The following RAD54L2 variants were observed in gnomAD, a reference collection of about 807,000 sequenced individuals.
RAD54L2 encodes helicase ARIP4.
A neutral mutation model predicts 138.4 loss-of-function variants in RAD54L2; 27 were observed. The observed-to-expected ratio is 0.20, with a 90% CI of 0.14 to 0.27. RAD54L2 has a LOEUF of 0.27. Among genes scored for constraint, RAD54L2 ranks in the 10% least tolerant of loss-of-function variants. RAD54L2 has a pLI of 1.00. For synonymous variants in RAD54L2, 644 were observed against 723.2 expected (o/e 0.89, Z 1.76); for missense variants, 1,396 against 1,890.2 (o/e 0.74, Z 4.85).
chr3:51,641,659 T>G, intron 14 of RAD54L2, 90 bp from the exon 15 acceptor site: 1 of 827,756 alleles, frequency 1.2e-6, no homozygotes. Flanking sequence ...GAGCTCCCAT[T>G]GTCAGAAAGT....
chr3:51,577,132 C>T (rs539469096), intron 2 of RAD54L2, among the ~76,000 whole-genome samples: 1 of 151,874 alleles, frequency 6.6e-6, no homozygotes, highest in African/African-American at 2.4e-5. Context: ...CAGGTTGTTC[C>T]GTTTCCATGT....
At chr3:51,642,584 A>G (rs139673254) in intron 15 of RAD54L2, among the ~76,000 whole-genome samples, 37 of 152,272 alleles carry the variant, frequency 2.4e-4, no homozygotes, top group Non-Finnish European at 4.9e-4. Flanking sequence ...CCTGTATATT[A>G]TACGACATTT....
intron 2 of RAD54L2, among the ~76,000 whole-genome samples, chr3:51,572,275 C>T (rs887988917): frequency 2.0e-5 from 3 of 151,882 alleles, no homozygotes; most frequent in Admixed American, 6.6e-5. Context: ...ATGGTGAAAG[C>T]GCCCCCGTTT....
chr3:51,628,298 TA>T (rs879615276), intron 4 of RAD54L2, among the ~76,000 whole-genome samples: 144 of 147,038 alleles, frequency 9.8e-4, no homozygotes, highest in Middle Eastern at 3.4e-3. Context: ...TGCCTCCACT[TA>T]AAAAAAAAAA....
Position 51,639,681 on chromosome 3 carries a change from C to G in RAD54L2, c.2112+11C>G, listed in dbSNP as rs752618132. ...GTCACATATGAATGGGTGAGTCAAG[C>G]AGATCCTTCAGGAACCATAAACTAT... is the stretch of plus-strand genomic sequence containing the variant. On this transcript the variant is annotated intron_variant, in intron 13 of 22. Coordinates refer to ENST00000684192, the MANE Select transcript of RAD54L2 (RefSeq NM_015106.4). 1.2e-6 allele frequency: 2 copies of G among 1,612,486 alleles called. No homozygotes were observed. Among genetic ancestry groups the G allele is most frequent in the African/African-American group, 2.7e-5 (2 of 74,906 alleles).
chr3:51,639,264 C>T (rs1701065039), intron 12 of RAD54L2, 155 bp from the exon 13 acceptor site: 6 of 797,034 alleles, frequency 7.5e-6, no homozygotes, highest in Non-Finnish European at 7.9e-6. Flanking sequence ...AATATGCAGG[C>T]CCTTTGGCTG....
intron 2 of RAD54L2, among the ~76,000 whole-genome samples, chr3:51,578,681 T>C (rs1219923721): frequency 1.3e-5 from 2 of 152,134 alleles, no homozygotes; most frequent in Non-Finnish European, 2.9e-5. Flanking sequence ...CTGGGGCTAG[T>C]GCTTTTGGGC....
At chr3:51,545,697 A>G (rs1424800567) in intron 2 of RAD54L2, among the ~76,000 whole-genome samples, 1 of 151,764 alleles carries the variant, frequency 6.6e-6, no homozygotes, top group Non-Finnish European at 1.5e-5. Flanking sequence ...CTTTCACCTC[A>G]GCTTCTTGAG....
chr3:51,568,586 T>A (rs1213158885), intron 2 of RAD54L2, among the ~76,000 whole-genome samples: 1 of 152,098 alleles, frequency 6.6e-6, no homozygotes, highest in East Asian at 1.9e-4. Flanking sequence ...CTGTTATAGG[T>A]TGACACAGTG....
In RAD54L2 at chr3:51,663,406, G is replaced by T; in HGVS notation, c.4390G>T (p.Val1464Phe). The T allele has an allele frequency of 6.2e-7, 1 of 1,610,946 alleles. No homozygotes were observed. The highest frequency in any genetic ancestry group is 1.1e-5 in the South Asian group (1 of 91,046). ...GGATAAAGACGATGATGTGATAGAG[G>T]TCACTGGGAAATAGCTAGGGAGCCC... ...DEDKDDDVIEVTGK is the reference protein window; with the variant it reads ...DEDKDDDVIEFTGK The change falls in exon 23 of 23, where the codon GTC (valine) becomes TTC (phenylalanine). Residue 1464 changes from valine to phenylalanine, a missense_variant. Coordinates refer to ENST00000684192, the MANE Select transcript of RAD54L2 (RefSeq NM_015106.4).
chr3:51,574,180 T>C (rs1699408757), intron 2 of RAD54L2, among the ~76,000 whole-genome samples: 1 of 152,130 alleles, frequency 6.6e-6, no homozygotes, highest in Non-Finnish European at 1.5e-5. Flanking sequence ...TGAACTCATC[T>C]TTTTTTATGG....
Position 51,637,384 on chromosome 3 carries a change from C to T in RAD54L2, c.1563C>T (p.Ser521=), listed in dbSNP as rs778424366. 5.0e-6 allele frequency: 8 copies of T among 1,613,812 alleles called. No homozygotes were observed. The East Asian group carries it at 1.8e-4, about 36-fold the overall frequency. The change falls in exon 11 of 23, where the codon AGC becomes AGT. Residue 521 remains serine (S), a synonymous_variant. Coordinates refer to ENST00000684192, the MANE Select transcript of RAD54L2 (RefSeq NM_015106.4). The surrounding 1 kb of genome is among the most constrained non-coding windows in gnomAD (Gnocchi z 5.9). ...PDFLGTRQEF[S]NMFERPILNG... is the part of the protein sequence containing the mutation. The stretch of plus-strand genomic sequence containing the variant: ...TCCTTGGCACCCGGCAGGAGTTCAG[C>T]AACATGTTTGAACGCCCTATCCTGA...
At chr3:51,640,996 T>C (rs931504339) in intron 14 of RAD54L2, among the ~76,000 whole-genome samples, 1 of 152,074 alleles carries the variant, frequency 6.6e-6, no homozygotes, top group Non-Finnish European at 1.5e-5. Context: ...CTCTTTCTGT[T>C]TCTTTTTCTT....
chr3:51,616,687 G>A (rs918912022), intron 3 of RAD54L2, among the ~76,000 whole-genome samples: 3 of 152,162 alleles, frequency 2.0e-5, no homozygotes, highest in Non-Finnish European at 4.4e-5. Flanking sequence ...AATTAGCTGG[G>A]CTTGGTGGTA....
intron 2 of RAD54L2, among the ~76,000 whole-genome samples, chr3:51,572,700 G>A (rs919707407): frequency 2.0e-5 from 3 of 149,016 alleles, no homozygotes; most frequent in East Asian, 2.0e-4. Flanking sequence ...GTGCAGTGGC[G>A]TGATCTCGGC....
chr3:51,613,468 A>G (rs1407926125), intron 3 of RAD54L2, among the ~76,000 whole-genome samples: 1 of 152,112 alleles, frequency 6.6e-6, no homozygotes, highest in Non-Finnish European at 1.5e-5. Flanking sequence ...AGAATTTAAG[A>G]TGGTTAAAAA....
intron 3 of RAD54L2, among the ~76,000 whole-genome samples, chr3:51,594,860 CTTTTTTTTT>C (rs71278623): frequency 4.2e-4 from 14 of 33,598 alleles, no homozygotes; most frequent in African/African-American, 4.6e-4. Context: ...TTGATGGGCG[CTTTTTTTTT>C]TTTTTTTTTT....
intron 2 of RAD54L2, among the ~76,000 whole-genome samples, chr3:51,566,474 T>TTTTG (rs1699221173): frequency 1.5e-5 from 2 of 129,516 alleles, no homozygotes; most frequent in African/African-American, 5.9e-5. Context: ...GCGTTTTTTT[T>TTTTG]TTTTTTTTTT....
At chr3:51,631,228 T>A (rs1700832446) in intron 7 of RAD54L2, among the ~76,000 whole-genome samples, 1 of 152,132 alleles carries the variant, frequency 6.6e-6, no homozygotes, top group Admixed American at 6.6e-5. Flanking sequence ...ATCCCATGAC[T>A]GAGGTGCTCT....
Sources: allele counts gnomAD v4.1 joint callset (sites outside exome capture counted in the v4.1 genomes callset), GRCh38; gene constraint gnomAD v4.1.1; non-coding constraint Gnocchi (gnomAD v3.1); transcripts MANE v1.5; gene names NCBI Gene and HGNC (gene_info 2026-07-23, HGNC 2026-07-21).